Variants in SNAP25 observed in about 807,000 individuals in gnomAD.
SNAP25 encodes synaptosomal-associated protein 25.
A neutral mutation model predicts 28.7 loss-of-function variants in SNAP25; 3 were observed. The ratio of observed to expected loss-of-function variants is 0.10; its 90% CI spans 0.05 to 0.27. The LOEUF is 0.27. Ranked by LOEUF, SNAP25 falls within the 10% of genes least tolerant of loss-of-function variation. SNAP25 has a pLI of 1.00. For synonymous variants in SNAP25, 61 were observed against 88.1 expected (o/e 0.69, Z 1.72); for missense variants, 117 against 278.7 (o/e 0.42, Z 4.13).
chr20:10,276,427 A>G (rs2063693122), intron 2 of SNAP25, among the ~76,000 whole-genome samples: 1 of 152,270 alleles, frequency 6.6e-6, no homozygotes, highest in African/African-American at 2.4e-5. Context: ...AATAATGCAG[A>G]TTAAAGTTAA....
chr20:10,281,545 T>C (rs2063777796), intron 3 of SNAP25, among the ~76,000 whole-genome samples: 1 of 152,216 alleles, frequency 6.6e-6, no homozygotes, highest in African/African-American at 2.4e-5. Flanking sequence ...TTGATCTCTG[T>C]TTTACTGTAG....
At chr20:10,249,361 T>C (rs2063185112) in intron 1 of SNAP25, among the ~76,000 whole-genome samples, 1 of 151,992 alleles carries the variant, frequency 6.6e-6, no homozygotes, top group African/African-American at 2.4e-5. Flanking sequence ...TGTTTCTGAC[T>C]GAAGGAATGA....
intron 1 of SNAP25, among the ~76,000 whole-genome samples, chr20:10,252,468 G>T (rs2063247285): frequency 6.6e-6 from 1 of 152,154 alleles, no homozygotes; most frequent in South Asian, 2.1e-4. Context: ...AAAGTAACAT[G>T]TAACTTGTCA....
intron 1 of SNAP25, among the ~76,000 whole-genome samples, chr20:10,232,283 T>C (rs2062841485): frequency 6.6e-6 from 1 of 152,244 alleles, no homozygotes; most frequent in Non-Finnish European, 1.5e-5. Context: ...CCAAGGAAGA[T>C]CTCTGATTGG....
chr20:10,269,910 C>T (rs757890421), intron 1 of SNAP25, among the ~76,000 whole-genome samples: 3 of 152,222 alleles, frequency 2.0e-5, no homozygotes, highest in Non-Finnish European at 4.4e-5. Flanking sequence ...CCTAACTTCC[C>T]GAAAGCCCCT....
chr20:10,273,608 T>C (rs2064234280), intron 1 of SNAP25, among the ~76,000 whole-genome samples: 1 of 152,180 alleles, frequency 6.6e-6, no homozygotes, highest in Non-Finnish European at 1.5e-5. Context: ...AATACCTGCT[T>C]CTGAACTGCC....
chr20:10,273,640 T>C (rs149920381), intron 1 of SNAP25, among the ~76,000 whole-genome samples: 5 of 152,200 alleles, frequency 3.3e-5, no homozygotes, highest in Admixed American at 6.5e-5. Context: ...GGGACACACT[T>C]TGTTCTACTA....
chr20:10,227,292 G>A (rs2062749791), intron 1 of SNAP25, among the ~76,000 whole-genome samples: 1 of 152,002 alleles, frequency 6.6e-6, no homozygotes, highest in African/African-American at 2.4e-5. Flanking sequence ...AATAGACTTT[G>A]GAAGTCTTTG....
In SNAP25 at chr20:10,245,093, A is replaced by AGAGAGC. The variant is rs576727194; in HGVS notation, c.-64+26117_-64+26122dup. ...GGAGAGAGGGGCCAGGGTTAGGAAA[A>AGAGAGC]GAGAGCTGAGGTGTTTGGAAAGATT... On this transcript the variant is annotated intron_variant, in intron 1 of 7. Transcript: ENST00000254976. Among the ~76,000 whole-genome samples, 96 of 152,270 alleles carry AGAGAGC rather than the reference A, an allele frequency of 6.3e-4. 1 individual carries two copies. The South Asian group carries it at 8.7e-3, about 14-fold the overall frequency.
Position 10,299,251 on chromosome 20 carries a change from T to G in SNAP25, c.408-17T>G. 1 of 1,613,028 alleles carries G rather than the reference T, an allele frequency of 6.2e-7. No homozygotes were observed. Among genetic ancestry groups the G allele is most frequent in the Non-Finnish European group, 8.5e-7 (1 of 1,179,382 alleles). On this transcript the variant is annotated splice_polypyrimidine_tract_variant and intron_variant, in intron 6 of 7. Transcript: ENST00000254976. ...TTTCCACCCTCTGTCTTCTAAAACT[T>G]GCTCTTTGGATCCCAGGGTAACAAA... is the stretch of plus-strand genomic sequence containing the variant.
chr20:10,281,333 A>G (rs1015356970), intron 3 of SNAP25, among the ~76,000 whole-genome samples: 2 of 152,156 alleles, frequency 1.3e-5, no homozygotes, highest in Non-Finnish European at 2.9e-5. Context: ...ATCCCTGCCC[A>G]TCTCCTTAAG....
intron 1 of SNAP25, among the ~76,000 whole-genome samples, chr20:10,253,685 G>A (rs1347401667): frequency 6.6e-6 from 1 of 152,168 alleles, no homozygotes; most frequent in African/African-American, 2.4e-5. Flanking sequence ...ACTTGAAAAT[G>A]TAATTTTTAT....
Position 10,285,076 on chromosome 20 carries a change from A to G in SNAP25, c.163+304A>G, listed in dbSNP as rs1193652767. Among the ~76,000 whole-genome samples, 4 of 152,308 alleles carry G rather than the reference A, an allele frequency of 2.6e-5. No homozygotes were observed. In the East Asian group the frequency reaches 7.7e-4, roughly 29 times the overall value. On this transcript the variant is annotated intron_variant, in intron 4 of 7. Coordinates refer to ENST00000254976, the MANE Select transcript of SNAP25 (RefSeq NM_130811.4). ...TAAATGATAGTATTTTGGACAGTGT[A>G]AGAATTTTCTTATTATCTTTGCCCC...
intron 1 of SNAP25, among the ~76,000 whole-genome samples, chr20:10,236,577 T>G (rs1175463807): frequency 6.6e-6 from 1 of 152,144 alleles, no homozygotes; most frequent in Non-Finnish European, 1.5e-5. Context: ...CTACCCATAA[T>G]GTTAAAAACA....
chr20:10,272,367 G>A (rs1021242429), intron 1 of SNAP25, among the ~76,000 whole-genome samples: 11 of 152,244 alleles, frequency 7.2e-5, no homozygotes, highest in Admixed American at 3.3e-4. Context: ...CAGAGCCAGC[G>A]GTCCAGCTGG....
chr20:10,277,560 C>T, intron 2 of SNAP25, 125 bp from the exon 3 acceptor site: 1 of 761,444 alleles, frequency 1.3e-6, no homozygotes, highest in Non-Finnish European at 2.1e-6. Flanking sequence ...TTTCACTTGC[C>T]AACTGAAAAG....
At chr20:10,286,582 C>T (rs1296526001) in intron 4 of SNAP25, among the ~76,000 whole-genome samples, 2 of 152,130 alleles carry the variant, frequency 1.3e-5, no homozygotes, top group African/African-American at 2.4e-5. Flanking sequence ...TGAAGCATCC[C>T]AGGAAGAGCC....
chr20:10,291,503 C>T (rs2063998105), intron 4 of SNAP25, among the ~76,000 whole-genome samples: 1 of 152,154 alleles, frequency 6.6e-6, no homozygotes, highest in African/African-American at 2.4e-5. Flanking sequence ...TTGTTTTCAC[C>T]TGTCATTTCA....
intron 1 of SNAP25, among the ~76,000 whole-genome samples, chr20:10,241,087 A>G (rs1198658816): frequency 6.7e-6 from 1 of 149,662 alleles, no homozygotes; most frequent in Non-Finnish European, 1.5e-5. Flanking sequence ...AGAGAGGCCC[A>G]GTGTGAACTG....
Sources: allele counts gnomAD v4.1 joint callset (sites outside exome capture counted in the v4.1 genomes callset), GRCh38; gene constraint gnomAD v4.1.1; transcripts MANE v1.5; gene names NCBI Gene and HGNC (gene_info 2026-07-23, HGNC 2026-07-21).